Variants in WLS observed in about 807,000 individuals in gnomAD.
The protein encoded by WLS is protein wntless homolog.
Under a neutral mutation model 62.8 loss-of-function variants are expected in WLS, and 23 were observed. The ratio of observed to expected loss-of-function variants is 0.37; its 90% CI spans 0.26 to 0.52. WLS has a LOEUF of 0.52. Ranked by LOEUF, WLS falls within the 20% of genes least tolerant of loss-of-function variation. The pLI is 0.92. For missense variants in WLS, 615 were observed against 697.3 expected (o/e 0.88, Z 1.33); for synonymous variants, 246 against 244.1 (o/e 1.01, Z -0.07).
chr1:68,171,985 A>C (rs1647160970), intron 2 of WLS, among the ~76,000 whole-genome samples: 2 of 152,334 alleles, frequency 1.3e-5, no homozygotes, highest in Admixed American at 6.5e-5. Flanking sequence ...ATGCAGCCAT[A>C]ACAAAGGATG....
chr1:68,153,994 C>T (rs1351180820), intron 4 of WLS, among the ~76,000 whole-genome samples: 1 of 152,068 alleles, frequency 6.6e-6, no homozygotes, highest in African/African-American at 2.4e-5. Flanking sequence ...AATTATCTTA[C>T]CTTGGACTCA....
chr1:68,167,474 C>T (rs1557491770), intron 2 of WLS, among the ~76,000 whole-genome samples: 1 of 152,152 alleles, frequency 6.6e-6, no homozygotes, highest in South Asian at 2.1e-4. Context: ...GTGGGCAATA[C>T]TTCCCCTCCA....
intron 2 of WLS, among the ~76,000 whole-genome samples, chr1:68,185,135 C>T (rs1159517280): frequency 6.6e-6 from 1 of 152,134 alleles, no homozygotes; most frequent in African/African-American, 2.4e-5. Flanking sequence ...TTTGACACCA[C>T]TTACCTGGAA....
intron 11 of WLS, among the ~76,000 whole-genome samples, chr1:68,110,436 A>G (rs1646209877): frequency 6.8e-6 from 1 of 147,880 alleles, no homozygotes; most frequent in South Asian, 2.2e-4. Flanking sequence ...CAAAGAAAAT[A>G]AAAGTCTCAA....
intron 2 of WLS, among the ~76,000 whole-genome samples, chr1:68,173,569 C>T (rs1647186404): frequency 6.6e-6 from 1 of 152,136 alleles, no homozygotes; most frequent in Admixed American, 6.5e-5. Context: ...TAACAACTTC[C>T]AAAACAAACA....
chr1:68,175,144 T>C (rs772142533), intron 2 of WLS, among the ~76,000 whole-genome samples: 1 of 152,258 alleles, frequency 6.6e-6, no homozygotes, highest in Non-Finnish European at 1.5e-5. Context: ...CATTTTCTGA[T>C]GCTGAAAAGA....
chr1:68,103,326 G>A (rs269348), intron 11 of WLS, among the ~76,000 whole-genome samples: 1 of 152,202 alleles, frequency 6.6e-6, no homozygotes, highest in South Asian at 2.1e-4. Context: ...TGACTGGGAA[G>A]CAGGTGAGTG....
At chr1:68,231,969 A>C in intron 1 of WLS, 1 of 385,244 alleles carries the variant, frequency 2.6e-6, no homozygotes, top group Non-Finnish European at 5.0e-6. Flanking sequence ...TTTCAAGTGG[A>C]TACTGAAACT....
chr1:68,104,299 G>A (rs561468192), intron 11 of WLS, among the ~76,000 whole-genome samples: 3 of 152,236 alleles, frequency 2.0e-5, no homozygotes, highest in South Asian at 2.1e-4. Context: ...TACCATTATC[G>A]GTGGAGATGA....
chr1:68,121,056 G>A (rs1053594391), downstream of WLS: 1 of 152,186 alleles, frequency 6.6e-6, no homozygotes. Flanking sequence ...GTATTTAGTG[G>A]TTGCTTGGTC....
chr1:68,167,032 A>G (rs552002487), intron 2 of WLS, among the ~76,000 whole-genome samples: 18 of 152,326 alleles, frequency 1.2e-4, no homozygotes, highest in African/African-American at 4.1e-4. Flanking sequence ...CCAGACAGAT[A>G]GCACACATGA....
chr1:68,107,429 A>G (rs1025453111), intron 11 of WLS, among the ~76,000 whole-genome samples: 3 of 152,200 alleles, frequency 2.0e-5, no homozygotes, highest in Non-Finnish European at 4.4e-5. Flanking sequence ...AGGTTCTGCA[A>G]TGAGAAGACA....
intron 11 of WLS, among the ~76,000 whole-genome samples, chr1:68,112,105 T>C (rs943637531): frequency 1.3e-5 from 2 of 152,210 alleles, no homozygotes; most frequent in African/African-American, 4.8e-5. Context: ...TTGAGCCAAC[T>C]GGGTCAGCGC....
At chr1:68,140,880 C>A (rs1230394661) in intron 10 of WLS, among the ~76,000 whole-genome samples, 1 of 152,112 alleles carries the variant, frequency 6.6e-6, no homozygotes, top group Non-Finnish European at 1.5e-5. Flanking sequence ...ACAGAGCAGG[C>A]CTTGTAAATC....
At chr1:68,229,139 C>G (rs980722524) in intron 1 of WLS, among the ~76,000 whole-genome samples, 1 of 152,040 alleles carries the variant, frequency 6.6e-6, no homozygotes. Flanking sequence ...CAATGAGGAG[C>G]CTGAAGCCTG....
chr1:68,163,881 C>T (rs1292447425), intron 2 of WLS, among the ~76,000 whole-genome samples: 10 of 152,146 alleles, frequency 6.6e-5, no homozygotes, highest in Non-Finnish European at 1.2e-4. Context: ...GTTTACTAAA[C>T]CTGAACACAT....
chr1:68,130,880 TTTC>T lies in WLS; in HGVS notation c.1517-4548_1517-4546del, dbSNP rs1274168025. Among the ~76,000 whole-genome samples, 1,043 of 139,424 alleles carry T rather than the reference TTTC, an allele frequency of 7.5e-3. 7 individuals are homozygous for T. The highest frequency in any genetic ancestry group is 0.011 in the Non-Finnish European group (701 of 65,674). 91.5% of individuals were successfully genotyped at this position (139,424 alleles called of 152,430 possible). On this transcript the variant is annotated intron_variant, in intron 11 of 11. Transcript: ENST00000262348. Reference sequence around the variant, plus strand: ...TAATAATAAAATGGTGAATGGTAGGTTTCTTCTTCTTTTTTTTTTTTTTTTTTT... The same window carrying T: ...TAATAATAAAATGGTGAATGGTAGGTTTCTTCTTTTTTTTTTTTTTTTTTT...
chr1:68,119,468 T>C (rs944043566), intron 11 of WLS, among the ~76,000 whole-genome samples: 1 of 152,210 alleles, frequency 6.6e-6, no homozygotes, highest in African/African-American at 2.4e-5. Flanking sequence ...GCCTCACCCA[T>C]ATTCCTCAAG....
intron 11 of WLS, among the ~76,000 whole-genome samples, chr1:68,107,048 C>G (rs1463759138): frequency 6.6e-6 from 1 of 152,092 alleles, no homozygotes; most frequent in Admixed American, 6.5e-5. Context: ...AGAAAATGAT[C>G]AAAATAATCC....
Sources: allele counts gnomAD v4.1 joint callset (sites outside exome capture counted in the v4.1 genomes callset), GRCh38; gene constraint gnomAD v4.1.1; transcripts MANE v1.5; gene names NCBI Gene and HGNC (gene_info 2026-07-23, HGNC 2026-07-21).